The following IGBP1C variants were observed in gnomAD, a reference collection of about 807,000 sequenced individuals.
The protein encoded by IGBP1C is IGBP1 family member C, also known as immunoglobulin-binding protein 1 family member C.
chr17:58,683,005 A>G, the IGBP1C span, among the ~76,000 whole-genome samples: 165 of 148,924 alleles, frequency 1.1e-3, no homozygotes, highest in Admixed American at 3.8e-3. Flanking sequence ...ATGTGTCGAG[A>G]TCGCGCCATT....
the IGBP1C span, among the ~76,000 whole-genome samples, chr17:58,666,338 A>G: frequency 2.0e-5 from 3 of 151,946 alleles, no homozygotes; most frequent in African/African-American, 7.2e-5. Context: ...ATAGAGCAAG[A>G]CTGTGTCCCA....
the IGBP1C span, among the ~76,000 whole-genome samples, chr17:58,663,745 G>A: frequency 2.2e-4 from 33 of 152,132 alleles, no homozygotes; most frequent in Admixed American, 8.5e-4. Context: ...TGGGATTACA[G>A]GCATGAGCCA....
chr17:58,669,733 C>CAAAAAAA, the IGBP1C span, among the ~76,000 whole-genome samples: 2 of 56,296 alleles, frequency 3.6e-5, no homozygotes, highest in Non-Finnish European at 7.0e-5. Flanking sequence ...GACTCCGTCT[C>CAAAAAAA]AAAAAAAAAA....
At chr17:58,676,606 C>G in the IGBP1C span, among the ~76,000 whole-genome samples, 1 of 152,082 alleles carries the variant, frequency 6.6e-6, no homozygotes, top group Non-Finnish European at 1.5e-5. Flanking sequence ...ACTACTATGT[C>G]AGAACCTAAA....
the IGBP1C span, among the ~76,000 whole-genome samples, chr17:58,674,708 T>C: frequency 1.3e-5 from 2 of 151,640 alleles, no homozygotes; most frequent in Non-Finnish European, 2.9e-5. Context: ...AACATAGATG[T>C]AAATCTTCCT....
chr17:58,679,503 C>T, the IGBP1C span: 22 of 152,144 alleles, frequency 1.4e-4, no homozygotes, highest in Admixed American at 8.5e-4. Context: ...ATACAACGTA[C>T]GCCTTTTATA....
At chr17:58,686,866 T>C in the IGBP1C span, among the ~76,000 whole-genome samples, 1 of 126,946 alleles carries the variant, frequency 7.9e-6, no homozygotes, top group Non-Finnish European at 1.7e-5. Context: ...GTCACCTTTT[T>C]TTTTTTTTTT....
chr17:58,673,528 T>C, the IGBP1C span, among the ~76,000 whole-genome samples: 2 of 151,740 alleles, frequency 1.3e-5, no homozygotes, highest in Admixed American at 1.3e-4. Context: ...AATAATTGTA[T>C]TGTAACTTAT....
the IGBP1C span, chr17:58,661,190 T>G: frequency 1.2e-6 from 1 of 800,442 alleles, no homozygotes; most frequent in Non-Finnish European, 2.3e-6. Context: ...ACCGTGATTT[T>G]CAGCTGAGTT....
chr17:58,667,248 T>C, the IGBP1C span, among the ~76,000 whole-genome samples: 795 of 152,292 alleles, frequency 5.2e-3, 2 homozygotes, highest in Non-Finnish European at 8.7e-3. Flanking sequence ...TGGAGGGTTT[T>C]GGAATCCAAG....
At chr17:58,661,874 G>T in the IGBP1C span, 7 of 354,852 alleles carry the variant, frequency 2.0e-5, no homozygotes, top group Non-Finnish European at 3.5e-5. Context: ...TGGCTCACAA[G>T]ATTTCTGTGA....
chr17:58,661,825 G>T, the IGBP1C span: 1 of 472,486 alleles, frequency 2.1e-6, no homozygotes. Context: ...CTCTGTTTCC[G>T]TTTCCTAAAA....
chr17:58,688,194 C>T, the IGBP1C span, among the ~76,000 whole-genome samples: 1 of 152,040 alleles, frequency 6.6e-6, no homozygotes, highest in Non-Finnish European at 1.5e-5. Flanking sequence ...AATATCGGCT[C>T]ACTGCAATCT....
At chr17:58,685,996 C>CAAAAAAAAAAAAA in the IGBP1C span, among the ~76,000 whole-genome samples, 2 of 82,642 alleles carry the variant, frequency 2.4e-5, no homozygotes, top group African/African-American at 4.8e-5. Context: ...CTCTGTCTCA[C>CAAAAAAAAAAAAA]AAAAAAAAAA....
the IGBP1C span, among the ~76,000 whole-genome samples, chr17:58,668,619 G>C: frequency 6.6e-6 from 1 of 152,200 alleles, no homozygotes; most frequent in South Asian, 2.1e-4. Flanking sequence ...CTGAGGCCAA[G>C]GGAGGCTGAA....
the IGBP1C span, among the ~76,000 whole-genome samples, chr17:58,687,850 C>T: frequency 6.6e-6 from 1 of 152,108 alleles, no homozygotes; most frequent in African/African-American, 2.4e-5. Context: ...AAGATAGCTA[C>T]ACAAGTCAGA....
At chr17:58,661,380 TA>T in the IGBP1C span, 1 of 919,968 alleles carries the variant, frequency 1.1e-6, no homozygotes, top group Non-Finnish European at 1.8e-6. Flanking sequence ...TCGGTGGAAG[TA>T]ATCTCCTCCA....
At chr17:58,670,808 T>TA in the IGBP1C span, among the ~76,000 whole-genome samples, 1 of 138,734 alleles carries the variant, frequency 7.2e-6, no homozygotes, top group African/African-American at 2.6e-5. Context: ...AAAGTGACTA[T>TA]ACTTAATATA....
At chr17:58,679,689 A>G in the IGBP1C span, 4 of 152,230 alleles carry the variant, frequency 2.6e-5, no homozygotes, top group Non-Finnish European at 5.9e-5. Flanking sequence ...CCAGTTAAGT[A>G]TGAGTCCCCA....
Sources: allele counts gnomAD v4.1 joint callset (sites outside exome capture counted in the v4.1 genomes callset), GRCh38; gene constraint gnomAD v4.1.1; transcripts MANE v1.5; gene names NCBI Gene and HGNC (gene_info 2026-07-23, HGNC 2026-07-21).